Variants in COL22A1 observed in about 807,000 individuals in gnomAD.
COL22A1 encodes the protein collagen alpha-1(XXII) chain.
In COL22A1, 221 loss-of-function variants were observed where a neutral mutation model predicts 248.9. The ratio of observed to expected loss-of-function variants is 0.89; its 90% CI spans 0.80 to 0.99. The LOEUF is 0.99. Ranked by LOEUF, COL22A1 falls within the 50% of genes least tolerant of loss-of-function variation. The probability of loss-of-function intolerance (pLI) is 0.00; values close to 1 mark genes in which losing one functional copy is unlikely to be tolerated. For synonymous variants in COL22A1, 891 were observed against 793.4 expected (o/e 1.12, Z -2.07); for missense variants, 2,240 against 2,179.0 (o/e 1.03, Z -0.56).
intron 3 of COL22A1, among the ~76,000 whole-genome samples, chr8:138,870,374 C>A (rs1045499005): frequency 6.7e-6 from 1 of 150,220 alleles, no homozygotes; most frequent in African/African-American, 2.5e-5. Context: ...TGTGTATAGC[C>A]TATGTGCAGT....
chr8:138,821,001 T>C, intron 7 of COL22A1, 135 bp downstream of exon 7: 1 of 954,174 alleles, frequency 1.0e-6, no homozygotes, highest in Non-Finnish European at 1.5e-6. Context: ...TCAGGGTCTT[T>C]CCTTCTAAGA....
intron 52 of COL22A1, among the ~76,000 whole-genome samples, chr8:138,621,623 A>T (rs1398807798): frequency 6.6e-6 from 1 of 152,166 alleles, no homozygotes; most frequent in South Asian, 2.1e-4. Flanking sequence ...AGCCTGCAGG[A>T]GTGTGAGTCC....
chr8:138,720,304 T>C (rs931779695), intron 27 of COL22A1, among the ~76,000 whole-genome samples: 3 of 152,162 alleles, frequency 2.0e-5, no homozygotes, highest in African/African-American at 7.2e-5. Flanking sequence ...AGCATCGCAG[T>C]GAAGGTAGAA....
At chr8:138,832,355 C>G (rs1820109823) in intron 5 of COL22A1, among the ~76,000 whole-genome samples, 2 of 152,164 alleles carry the variant, frequency 1.3e-5, no homozygotes, top group African/African-American at 4.8e-5. Flanking sequence ...ATCCAAGAAC[C>G]CTCTCTTGGG....
intron 47 of COL22A1, among the ~76,000 whole-genome samples, chr8:138,640,323 T>C (rs1039767409): frequency 1.3e-5 from 2 of 152,180 alleles, no homozygotes; most frequent in African/African-American, 4.8e-5. Flanking sequence ...AAGAGTGCTG[T>C]CCTTCATGAA....
chr8:138,605,156 C>T (rs1379896507), intron 58 of COL22A1, among the ~76,000 whole-genome samples: 4 of 152,216 alleles, frequency 2.6e-5, no homozygotes, highest in African/African-American at 9.6e-5. Context: ...CTTGGCTCCT[C>T]CACTGTTTGG....
At chr8:138,781,069 G>T in intron 12 of COL22A1, 89 bp from the exon 13 acceptor site, 2 of 943,446 alleles carry the variant, frequency 2.1e-6, no homozygotes, top group Non-Finnish European at 1.6e-6. Flanking sequence ...GTGCCAGGAA[G>T]GGAAGGAAAT....
intron 34 of COL22A1, among the ~76,000 whole-genome samples, chr8:138,693,938 C>T (rs1477427643): frequency 3.9e-5 from 6 of 152,094 alleles, no homozygotes; most frequent in African/African-American, 9.7e-5. Flanking sequence ...GGGTCAGCAC[C>T]GACCCTCTGT....
At chr8:138,664,418 T>A (rs191597131) in intron 41 of COL22A1, among the ~76,000 whole-genome samples, 1 of 152,218 alleles carries the variant, frequency 6.6e-6, no homozygotes, top group East Asian at 2.0e-4. Context: ...GGACCGTCCC[T>A]TGCCCCTGAG....
chr8:138,854,912 GTGATGC>G (rs939719888), intron 3 of COL22A1, among the ~76,000 whole-genome samples: 1 of 151,962 alleles, frequency 6.6e-6, no homozygotes, highest in African/African-American at 2.4e-5. Context: ...GGTGGTGATG[GTGATGC>G]TGATGGTGAT....
intron 60 of COL22A1, among the ~76,000 whole-genome samples, chr8:138,600,801 T>C (rs533239221): frequency 6.6e-6 from 1 of 152,360 alleles, no homozygotes; most frequent in East Asian, 1.9e-4. Context: ...TCACAGGACG[T>C]TGCAATCTCT....
chr8:138,605,635 G>A (rs1818363903), intron 58 of COL22A1, among the ~76,000 whole-genome samples: 1 of 152,092 alleles, frequency 6.6e-6, no homozygotes. Context: ...ACAAGAACAT[G>A]GGTAAGCTCT....
intron 55 of COL22A1, among the ~76,000 whole-genome samples, chr8:138,615,219 T>C (rs1819214574): frequency 6.6e-6 from 1 of 152,164 alleles, no homozygotes; most frequent in South Asian, 2.1e-4. Flanking sequence ...TTTTCATTTG[T>C]ACACCTGGGG....
intron 27 of COL22A1, among the ~76,000 whole-genome samples, chr8:138,719,327 G>A (rs1829690852): frequency 1.3e-5 from 2 of 152,038 alleles, no homozygotes; most frequent in Admixed American, 1.3e-4. Flanking sequence ...ATATTTAAAT[G>A]TCAATATTGA....
chr8:138,595,061 C>T (rs973844604), intron 62 of COL22A1, among the ~76,000 whole-genome samples: 3 of 152,098 alleles, frequency 2.0e-5, no homozygotes, highest in Non-Finnish European at 2.9e-5. Context: ...GGTAATCAGA[C>T]CCAAACTGCT....
In COL22A1 at chr8:138,755,809, C is replaced by A. The variant is rs751744303; in HGVS notation, c.1923G>T (p.Gly641=). 1.2e-6 allele frequency: 2 copies of A among 1,614,122 alleles called. No homozygotes were observed. Among genetic ancestry groups the A allele is most frequent in the South Asian group, 2.2e-5 (2 of 91,078 alleles). ...QGEKGDVGPA[G]PPGVPGSVVQ... is the part of the protein sequence containing the mutation. ...CCACTGAGCCTGGTACACCAGGTGG[C>A]CCCGCAGGTCCCACGTCACCCTGCA... Residue 641 remains glycine (G), a synonymous_variant, in exon 19 of 65, where the codon GGG becomes GGT. Transcript: ENST00000303045.
At chr8:138,830,430 T>C (rs971875852) in intron 5 of COL22A1, among the ~76,000 whole-genome samples, 1 of 152,266 alleles carries the variant, frequency 6.6e-6, no homozygotes, top group African/African-American at 2.4e-5. Flanking sequence ...TTTATGTATA[T>C]GTGTTTAAAC....
intron 3 of COL22A1, among the ~76,000 whole-genome samples, chr8:138,862,744 C>A (rs1233201858): frequency 7.1e-6 from 1 of 140,668 alleles, no homozygotes. Context: ...AAAATGTTTG[C>A]AGCAAAGATA....
At position 138,870,187 on chromosome 8, in the gene COL22A1, C is replaced by T. The variant is rs112234553; in HGVS notation, c.658+7563G>A. ...TGGGTGTGGAGGGTTGCGTACATGG[C>T]CAATGGTGTGTGGAGCTGTGTACAT... On this transcript the variant is annotated intron_variant, in intron 3 of 64. Transcript: ENST00000303045. Among the ~76,000 whole-genome samples the T allele has an allele frequency of 4.6e-3, 694 of 150,926 alleles. 10 individuals are homozygous for T. The highest frequency in any genetic ancestry group is 0.015 in the African/African-American group (613 of 41,062).
Sources: allele counts gnomAD v4.1 joint callset (sites outside exome capture counted in the v4.1 genomes callset), GRCh38; gene constraint gnomAD v4.1.1; transcripts MANE v1.5; gene names NCBI Gene and HGNC (gene_info 2026-07-23, HGNC 2026-07-21).